SLC9A6: variants seen among roughly 807,000 people sequenced by gnomAD.
SLC9A6 encodes solute carrier family 9 member A6, also known as sodium/hydrogen exchanger 6.
A neutral mutation model predicts 45.3 loss-of-function variants in SLC9A6; 6 were observed. The observed-to-expected ratio is 0.13, with a 90% CI of 0.07 to 0.26. The LOEUF (loss-of-function observed/expected upper bound fraction) is 0.26, where lower values mean the gene tolerates loss of function less well. SLC9A6 is among the 10% of genes least tolerant of loss of function. The pLI, the probability that SLC9A6 is intolerant of heterozygous loss-of-function variation, is 1.00. For synonymous variants in SLC9A6, 191 were observed against 187.7 expected, an observed-to-expected ratio of 1.02 and a Z score of -0.14; for missense variants, 278 against 503.7, an observed-to-expected ratio of 0.55 and a Z score of 4.29.
intron 1 of SLC9A6, among the ~76,000 whole-genome samples, chrX:135,978,037 ACCT>A (rs1556613566): frequency 8.9e-6 from 1 of 112,405 alleles, no homozygotes; most frequent in Non-Finnish European, 1.9e-5. Flanking sequence ...AATAGTGTTT[ACCT>A]GCCTAGGTTG....
chrX:136,015,708 G>A (rs1462221978), intron 10 of SLC9A6, among the ~76,000 whole-genome samples: 2 of 111,413 alleles, frequency 1.8e-5, no homozygotes, highest in African/African-American at 3.3e-5. Flanking sequence ...ATAAATATAC[G>A]CTTACTTATT....
At chrX:136,033,325 G>C (rs1603219741) in intron 15 of SLC9A6, 89 bp from the exon 16 acceptor site, 2 of 545,699 alleles carry the variant, frequency 3.7e-6, no homozygotes, top group Non-Finnish European at 6.2e-6. Context: ...TAATATAGTA[G>C]CCTCTATTTC....
At chrX:136,012,158 C>T (rs1466966031) in intron 8 of SLC9A6, among the ~76,000 whole-genome samples, 2 of 112,968 alleles carry the variant, frequency 1.8e-5, no homozygotes, top group South Asian at 3.6e-4. Context: ...AAAACAGATA[C>T]GTTATTCTTT....
At chrX:135,980,940 A>C, upstream of SLC9A6, among the ~76,000 whole-genome samples, 1 of 112,018 alleles carries the variant, frequency 8.9e-6, no homozygotes, top group South Asian at 3.7e-4. Context: ...TCAGTAAGGA[A>C]ATAAATGCCT....
At chrX:136,044,354 A>T in intron 17 of SLC9A6, 98 bp from the exon 18 acceptor site, 1 of 733,748 alleles carries the variant, frequency 1.4e-6, no homozygotes, top group South Asian at 2.3e-5. Context: ...GTGGGCTACC[A>T]CTTAAGGGTT....
intron 1 of SLC9A6, 26 bp downstream of exon 1, chrX:135,985,503 A>T (rs782640388): frequency 4.6e-6 from 5 of 1,095,380 alleles, no homozygotes; most frequent in South Asian, 2.3e-5. Context: ...GGGGGGAGAC[A>T]TGGCTCGGCG....
chrX:135,985,261 A>G, upstream of SLC9A6: 1 of 281,172 alleles, frequency 3.6e-6, no homozygotes, highest in Non-Finnish European at 6.2e-6. Context: ...AGCCAAAGGC[A>G]GTGGGCTAGT....
chrX:136,030,499 C>T (rs1218334764), intron 15 of SLC9A6: 3 of 250,848 alleles, frequency 1.2e-5, no homozygotes, highest in African/African-American at 2.8e-5. Context: ...CTTTGGTTTG[C>T]GCATGAAGGC....
At position 136,039,906 on chromosome X, in the gene SLC9A6, C is replaced by T. The variant is rs1244714486; in HGVS notation, c.1662-170C>T. On this transcript the variant is annotated intron_variant, in intron 16 of 17. Coordinates refer to ENST00000630721, the MANE Select transcript of SLC9A6 (RefSeq NM_001379110.1). ...TCTGTGAAGTGGAGATGATAAAATA[C>T]CCCTTTGCTGTTTCACTGCCATCAT... 8.2e-6 allele frequency: 4 copies of T among 485,053 alleles called. No individual in the cohort carries two copies. In the East Asian group the frequency reaches 1.5e-4, roughly 18 times the overall value. 40.0% of individuals were successfully genotyped at this position (485,053 alleles called of 1,213,427 possible). A position where few individuals can be genotyped will look rare whatever the true frequency, so the allele number is the denominator to read the frequency against.
chrX:135,997,439 A>G (rs1471538090), intron 3 of SLC9A6, among the ~76,000 whole-genome samples: 1 of 70,038 alleles, frequency 1.4e-5, no homozygotes, highest in Non-Finnish European at 2.5e-5. Flanking sequence ...ACAAAGTCTC[A>G]CTCTTTCGCC....
At chrX:136,023,257 T>G in intron 12 of SLC9A6, among the ~76,000 whole-genome samples, 1 of 80,193 alleles carries the variant, frequency 1.2e-5, no homozygotes. Flanking sequence ...ATTTTTCATA[T>G]TCTGATTCCA....
intron 7 of SLC9A6, among the ~76,000 whole-genome samples, chrX:136,007,015 C>T (rs782191932): frequency 5.4e-5 from 6 of 110,692 alleles, no homozygotes; most frequent in Non-Finnish European, 7.6e-5. Flanking sequence ...TACAGGTGCA[C>T]ACCACCATGC....
chrX:135,976,703 T>C (rs1423668485), intron 1 of SLC9A6, among the ~76,000 whole-genome samples: 3 of 112,211 alleles, frequency 2.7e-5, no homozygotes, highest in Non-Finnish European at 5.6e-5. Context: ...ATCTGGTTCT[T>C]TTCCTTTAAA....
At chrX:136,035,912 C>T (rs1269669305) in intron 16 of SLC9A6, among the ~76,000 whole-genome samples, 2 of 106,324 alleles carry the variant, frequency 1.9e-5, no homozygotes, top group African/African-American at 3.5e-5. Flanking sequence ...TGTCATCACA[C>T]CCAGCTATTT....
intron 11 of SLC9A6, among the ~76,000 whole-genome samples, chrX:136,021,539 G>A (rs2071127001): frequency 8.9e-6 from 1 of 112,219 alleles, no homozygotes; most frequent in African/African-American, 3.2e-5. Flanking sequence ...TACCTTGTTT[G>A]TTTTGAGACA....
At chrX:136,031,382 C>T (rs1284663308) in intron 15 of SLC9A6, among the ~76,000 whole-genome samples, 8 of 112,203 alleles carry the variant, frequency 7.1e-5, no homozygotes, top group African/African-American at 9.7e-5. Context: ...AACAAAGGAC[C>T]GTTTTTTTTC....
At chrX:135,985,332 A>C, upstream of SLC9A6, 2 of 319,264 alleles carry the variant, frequency 6.3e-6, no homozygotes, top group Non-Finnish European at 1.1e-5. Context: ...ACAGAGGGGC[A>C]AAGGAACCTG....
At chrX:136,037,452 T>C (rs1207742125) in intron 16 of SLC9A6, among the ~76,000 whole-genome samples, 2 of 113,034 alleles carry the variant, frequency 1.8e-5, no homozygotes, top group African/African-American at 6.4e-5. Context: ...CTTGTACATT[T>C]TCATTAGATT....
chrX:135,988,130 G>A (rs1245065371), intron 2 of SLC9A6, among the ~76,000 whole-genome samples: 1 of 111,827 alleles, frequency 8.9e-6, no homozygotes, highest in Non-Finnish European at 1.9e-5. Context: ...CTCTAGGACT[G>A]AAGTAGAAAA....
Sources: gnomAD v4.1 joint callset for allele counts (sites outside exome capture counted in the v4.1 genomes callset) on GRCh38, gnomAD v4.1.1 for gene constraint, MANE v1.5 for transcripts, NCBI Gene and HGNC (gene_info 2026-07-23, HGNC 2026-07-21) for gene names.